KIF17: variants seen among roughly 807,000 people sequenced by gnomAD.
KIF17 encodes kinesin family member 17.
In KIF17, 80 loss-of-function variants were observed where a neutral mutation model predicts 96.8. The observed-to-expected ratio is 0.83, with a 90% CI of 0.69 to 1.00. The LOEUF (loss-of-function observed/expected upper bound fraction) is 1.00. Ranked by LOEUF, KIF17 falls within the 50% of genes least tolerant of loss-of-function variation. KIF17 has a pLI of 0.00. For missense variants in KIF17, 1,280 were observed against 1,372.9 expected, an observed-to-expected ratio of 0.93 and a Z score of 1.07; for synonymous variants, 567 against 587.5, an observed-to-expected ratio of 0.97 and a Z score of 0.51.
chr1:20,670,125 C>T (rs781615702), intron 13 of KIF17, among the ~76,000 whole-genome samples: 16 of 152,048 alleles, frequency 1.1e-4, no homozygotes, highest in Admixed American at 2.0e-4. Context: ...GAATGTGCTG[C>T]TTGTCCTCTG....
chr1:20,665,085 GCTGCTTCGTCT>G (rs1290432463), intron 14 of KIF17, among the ~76,000 whole-genome samples: 1 of 152,004 alleles, frequency 6.6e-6, no homozygotes, highest in Admixed American at 6.6e-5. Flanking sequence ...CCTTAGAGAA[GCTGCTTCGTCT>G]CTGAGCCTCA....
intron 6 of KIF17, among the ~76,000 whole-genome samples, chr1:20,697,011 G>C (rs888556344): frequency 1.3e-5 from 2 of 152,170 alleles, no homozygotes; most frequent in African/African-American, 4.8e-5. Context: ...GGGCACCATC[G>C]AGCCTCTCCC....
chr1:20,689,008 A>G (rs1365124531), intron 7 of KIF17, among the ~76,000 whole-genome samples: 1 of 152,110 alleles, frequency 6.6e-6, no homozygotes, highest in Non-Finnish European at 1.5e-5. Context: ...CTCCTGTAAG[A>G]GGGTCTTGAT....
At chr1:20,713,634 G>A in intron 2 of KIF17, 79 bp from the exon 3 acceptor site, 1 of 1,042,828 alleles carries the variant, frequency 9.6e-7, no homozygotes. Context: ...TGGGGCCTGG[G>A]CCCTCTGCCA....
chr1:20,690,309 C>T lies in KIF17; in HGVS notation c.1260G>A (p.Leu420=). The part of the protein sequence containing the change: ...REEYEERLAR[L]KADYKAEQES... ...CCTGCTCGGCCTTATAGTCGGCTTT[C>T]AGCCGGGCCAGGCGCTCTTCATACT... is the stretch of plus-strand genomic sequence containing the variant. The change falls in exon 7 of 15, where the codon CTG becomes CTA. Residue 420 remains leucine, a synonymous_variant. Transcript: ENST00000400463. The T allele has an allele frequency of 6.6e-7, 1 of 1,507,314 alleles. No individual in the cohort carries two copies. The allele number at this position is 1,507,314 out of a possible 1,614,324, so 93.4% of individuals were successfully genotyped here.
chr1:20,690,289 T>C lies in KIF17; in HGVS notation c.1280A>G (p.Glu427Gly), dbSNP rs1353120814. ...LARLKADYKAEQESRARLEED... is the reference protein window; with the variant it reads ...LARLKADYKAGQESRARLEED... Reference sequence around the variant, plus strand: ...CTCCAGCCTGGCCCGAGACTCCTGCTCGGCCTTATAGTCGGCTTTCAGCCG... The same window carrying C: ...CTCCAGCCTGGCCCGAGACTCCTGCCCGGCCTTATAGTCGGCTTTCAGCCG... Residue 427 changes from glutamate (E) to glycine (G), a missense_variant, in exon 7 of 15, where the codon GAG becomes GGG. Transcript: ENST00000400463. The C allele has an allele frequency of 2.2e-6, 3 of 1,370,472 alleles. No individual in the cohort carries two copies. Among genetic ancestry groups the C allele is most frequent in the Non-Finnish European group, 2.9e-6 (3 of 1,031,228 alleles). The allele number at this position is 1,370,472 out of a possible 1,614,324, so 84.9% of individuals were successfully genotyped here. A position where few individuals can be genotyped will look rare whatever the true frequency, so the allele number is the denominator to read the frequency against.
chr1:20,679,373 A>G (rs1305688945), intron 11 of KIF17, among the ~76,000 whole-genome samples: 3 of 152,092 alleles, frequency 2.0e-5, no homozygotes, highest in Non-Finnish European at 4.4e-5. Context: ...CCAGCTACTC[A>G]GGAGGCTGAG....
chr1:20,717,681 A>T lies in KIF17; in HGVS notation c.26T>A (p.Val9Asp), dbSNP rs1406373329. The T allele has an allele frequency of 6.3e-7, 1 of 1,599,506 alleles. No homozygotes were observed. The highest frequency in any genetic ancestry group is 1.1e-5 in the South Asian group (1 of 90,524). ...CTGGTTCATGGGACGGCAGCGCACG[A>T]CAACCTTCACCGCCTCGGAGGCCAT... MASEAVKV[V>D]VRCRPMNQRE... The change falls in exon 1 of 15, where the codon GTC (valine) becomes GAC (aspartate). Residue 9 changes from valine to aspartate, a missense_variant. Coordinates refer to ENST00000400463, the MANE Select transcript of KIF17 (RefSeq NM_001122819.3).
At chr1:20,692,422 C>T (rs2054055646) in intron 6 of KIF17, among the ~76,000 whole-genome samples, 1 of 152,138 alleles carries the variant, frequency 6.6e-6, no homozygotes, top group Admixed American at 6.5e-5. Flanking sequence ...CTCACTGCAA[C>T]CTCCACTTCC....
At chr1:20,680,287 A>G (rs566845237) in intron 11 of KIF17, among the ~76,000 whole-genome samples, 6 of 152,384 alleles carry the variant, frequency 3.9e-5, no homozygotes, top group African/African-American at 1.2e-4. Flanking sequence ...GACTGTTTAC[A>G]AAGTAAACAG....
Position 20,709,914 on chromosome 1 carries a change from C to A in KIF17, c.481-86G>T. 7.9e-7 allele frequency: 1 copy of A among 1,258,780 alleles called. No individual in the cohort carries two copies. Among genetic ancestry groups the A allele is most frequent in the Non-Finnish European group, 1.1e-6 (1 of 883,836 alleles). The allele number at this position is 1,258,780 out of a possible 1,614,324, so 78.0% of individuals were successfully genotyped here. A position where few individuals can be genotyped will look rare whatever the true frequency, so the allele number is the denominator to read the frequency against. On this transcript the variant is annotated intron_variant, in intron 3 of 14. Transcript: ENST00000400463. This position sits in a 1 kb window ranked among gnomAD's most constrained non-coding sequence, Gnocchi z 4.7. ...TGGTCAAGGAACCAGAGAGAAGGGC[C>A]CCATCCAGACCGCCCTCGCCCTCCT...
At chr1:20,691,217 G>C (rs2054034379) in intron 6 of KIF17, among the ~76,000 whole-genome samples, 1 of 151,126 alleles carries the variant, frequency 6.6e-6, no homozygotes, top group Non-Finnish European at 1.5e-5. Flanking sequence ...ACTTGAACCT[G>C]GGAAGTGGAG....
At chr1:20,674,412 C>T (rs1413189890) in intron 11 of KIF17, among the ~76,000 whole-genome samples, 1 of 152,134 alleles carries the variant, frequency 6.6e-6, no homozygotes, top group Non-Finnish European at 1.5e-5. Context: ...AGGTGCATGC[C>T]ACCACATCTG....
rs548467182 is a variant in KIF17 at position 20,690,967 on chromosome 1, G to T, written c.1234-632C>A. ...CTCCCAAAGTGCTGGGATTACAGGC[G>T]TGAGACACCACGCCCGGCCACCATC... On this transcript the variant is annotated intron_variant, in intron 6 of 14. Coordinates refer to ENST00000400463, the MANE Select transcript of KIF17 (RefSeq NM_001122819.3). 5.9e-5 allele frequency among the ~76,000 whole-genome samples: 9 copies of T among 151,984 alleles called. No individual in the cohort carries two copies. In the East Asian group the frequency reaches 1.8e-3, roughly 30 times the overall value.
chr1:20,674,181 G>A lies in KIF17; in HGVS notation c.2464-1985C>T, dbSNP rs368208667. ...TGGCCTCAAGCAGTCTTTCTGCCTC[G>A]GCCCCTCAAAGTCCTGGGATTACAG... On this transcript the variant is annotated intron_variant, in intron 11 of 14. Coordinates refer to ENST00000400463, the MANE Select transcript of KIF17 (RefSeq NM_001122819.3). Among the ~76,000 whole-genome samples, 13 of 152,114 alleles carry A rather than the reference G, an allele frequency of 8.5e-5. 1 individual carries two copies. The highest frequency in any genetic ancestry group is 4.2e-4 in the South Asian group (2 of 4,812).
At chr1:20,689,216 C>T (rs1349392853) in intron 7 of KIF17, among the ~76,000 whole-genome samples, 1 of 152,150 alleles carries the variant, frequency 6.6e-6, no homozygotes, top group Non-Finnish European at 1.5e-5. Flanking sequence ...ACAAGCGGTA[C>T]CGACGGTGCG....
chr1:20,685,530 C>T lies in KIF17; in HGVS notation c.2020-510G>A, dbSNP rs1390459063. 1.3e-5 allele frequency among the ~76,000 whole-genome samples: 2 copies of T among 152,108 alleles called. No homozygotes were observed. The highest frequency in any genetic ancestry group is 2.9e-5 in the Non-Finnish European group (2 of 68,018). On this transcript the variant is annotated intron_variant, in intron 9 of 14. Coordinates refer to ENST00000400463, the MANE Select transcript of KIF17 (RefSeq NM_001122819.3). The surrounding 1 kb of genome is among the most constrained non-coding windows in gnomAD (Gnocchi z 4.1). ...CCTCCTTCACGCCTGGGTCCCACCC[C>T]AGAGTCACTTCCTAGCCAGGGCTGC...
chr1:20,710,022 C>A (rs1487023540), intron 3 of KIF17, among the ~76,000 whole-genome samples, 194 bp from the exon 4 acceptor site: 2 of 152,236 alleles, frequency 1.3e-5, no homozygotes, highest in Non-Finnish European at 2.9e-5. Context: ...ACCCCTGCCT[C>A]CTACTTGCTA....
At chr1:20,670,539 AGAG>A (rs1285303840) in intron 12 of KIF17, 51 bp from the exon 13 acceptor site, 1 of 1,567,920 alleles carries the variant, frequency 6.4e-7, no homozygotes, top group Non-Finnish European at 8.8e-7. Flanking sequence ...TGCAAGGCCT[AGAG>A]GAGGGCACAG....
Sources: allele counts gnomAD v4.1 joint callset (sites outside exome capture counted in the v4.1 genomes callset), GRCh38; gene constraint gnomAD v4.1.1; non-coding constraint Gnocchi (gnomAD v3.1); transcripts MANE v1.5; gene names NCBI Gene and HGNC (gene_info 2026-07-23, HGNC 2026-07-21).